The following KLC2 variants were observed in gnomAD, a reference collection of about 807,000 sequenced individuals.
KLC2 encodes the protein kinesin light chain 2.
Under a neutral mutation model 75.1 loss-of-function variants are expected in KLC2, and 35 were observed. The observed-to-expected ratio is 0.47, with a 90% CI of 0.36 to 0.62. The LOEUF (loss-of-function observed/expected upper bound fraction) is 0.62. KLC2 is among the 20% of genes least tolerant of loss of function. The pLI, the probability that KLC2 is intolerant of heterozygous loss-of-function variation, is 0.00. For missense variants in KLC2, 611 were observed against 833.2 expected, an observed-to-expected ratio of 0.73 and a Z score of 3.28; for synonymous variants, 314 against 336.7, an observed-to-expected ratio of 0.93 and a Z score of 0.74.
upstream of KLC2, chr11:66,257,236 G>C (rs1247187239): frequency 6.6e-6 from 1 of 152,220 alleles, no homozygotes; most frequent in Non-Finnish European, 1.5e-5. Context: ...ACCTCTGTCA[G>C]AGACGGTGCA....
the KLC2 span, chr11:66,244,912 G>A: frequency 6.6e-6 from 1 of 152,196 alleles, no homozygotes; most frequent in Non-Finnish European, 1.5e-5. Context: ...CCTGGCATGA[G>A]GCAGGCAGAG....
intron 2 of KLC2, chr11:66,259,791 G>A (rs1856260762): frequency 1.3e-5 from 2 of 152,352 alleles, no homozygotes; most frequent in South Asian, 2.1e-4. Flanking sequence ...TGGCTATGAC[G>A]GTGGAGAAAA....
Position 66,266,998 on chromosome 11 carries a change from AC to A in KLC2, c.*48del, listed in dbSNP as rs746504570. ...AGTCACCAGAGCGCCCACCTGGCAC[AC>A]CCCCCTCACCCCAGCCCTGCGCATG... On this transcript the variant is annotated 3_prime_UTR_variant, in exon 16 of 16. Transcript: ENST00000394067. 2 of 1,592,214 alleles carry A rather than the reference AC, an allele frequency of 1.3e-6. No individual in the cohort carries two copies.
At chr11:66,248,455 A>G in the KLC2 span, among the ~76,000 whole-genome samples, 1 of 152,156 alleles carries the variant, frequency 6.6e-6, no homozygotes. Context: ...CCCCATCTCT[A>G]CTAAAAATAC....
rs759087965 is a variant in KLC2, at chr11:66,267,481, C to T, written c.*525C>T. 2.0e-5 allele frequency: 14 copies of T among 703,168 alleles called. No individual in the cohort carries two copies. Among genetic ancestry groups the T allele is most frequent in the South Asian group, 1.6e-4 (11 of 66,850 alleles). The allele number at this position is 703,168 out of a possible 1,614,324, so 43.6% of individuals were successfully genotyped here. A position where few individuals can be genotyped will look rare whatever the true frequency, so the allele number is the denominator to read the frequency against. ...GGTGGTATCTCCCAGGCTCTACATT[C>T]TCGGGAGCGGCGCCTCCCAAGGGGG... On this transcript the variant is annotated 3_prime_UTR_variant, in exon 16 of 16. Coordinates refer to ENST00000394067, the MANE Select transcript of KLC2 (RefSeq NM_001318734.2).
Position 66,262,815 on chromosome 11 carries a change from C to T in KLC2, c.531C>T (p.Ala177=). Residue 177 remains alanine, a splice_region_variant and synonymous_variant, in exon 5 of 16, where the codon GCC becomes GCT. Transcript: ENST00000394067. Reference sequence around the variant, plus strand: ...GACCTCCTGCCCTTGGCCCTGCAGCCCCTAGCCCAGGAGGAGGGGATGTGT... The same window carrying T: ...GACCTCCTGCCCTTGGCCCTGCAGCTCCTAGCCCAGGAGGAGGGGATGTGT... ...LFPNEDEQSP[A]PSPGGGDVSG... 6.2e-7 allele frequency: 1 copy of T among 1,609,274 alleles called. No homozygotes were observed. Among genetic ancestry groups the T allele is most frequent in the Non-Finnish European group, 8.5e-7 (1 of 1,178,494 alleles).
rs375196923 is a variant in KLC2, at chr11:66,264,453, G to A, written c.1216+9G>A. On this transcript the variant is annotated intron_variant, in intron 9 of 15. Transcript: ENST00000394067. ...GTTTGGCTCTGTCAATGGTGAGTGC[G>A]TGGTCACCAGGTGCCTCTAGCCCAT... 1.6e-4 allele frequency: 252 copies of A among 1,598,666 alleles called. No homozygotes were observed. The highest frequency in any genetic ancestry group is 2.0e-4 in the Non-Finnish European group (239 of 1,167,428).
the KLC2 span, among the ~76,000 whole-genome samples, chr11:66,251,110 T>C: frequency 5.3e-5 from 8 of 152,262 alleles, no homozygotes; most frequent in Admixed American, 5.2e-4. Flanking sequence ...GATGAGGACA[T>C]TGTAAAGGTG....
upstream of KLC2, among the ~76,000 whole-genome samples, chr11:66,253,160 G>A (rs1157190800): frequency 6.6e-6 from 1 of 151,938 alleles, no homozygotes; most frequent in Non-Finnish European, 1.5e-5. Flanking sequence ...GTAGAGACAG[G>A]GTTTCACCAT....
chr11:66,263,524 G>A, intron 5 of KLC2, 136 bp from the exon 6 acceptor site: 1 of 635,776 alleles, frequency 1.6e-6, no homozygotes, highest in African/African-American at 1.8e-5. Context: ...CAGGAGCTGA[G>A]CAGGTCTCCC....
Position 66,258,760 on chromosome 11 carries a change from G to C in KLC2, c.166G>C (p.Glu56Gln), listed in dbSNP as rs769569936. The C allele has an allele frequency of 1.2e-6, 2 of 1,613,568 alleles. No individual in the cohort carries two copies. The highest frequency in any genetic ancestry group is 1.7e-6 in the Non-Finnish European group (2 of 1,180,006). Residue 56 changes from glutamate to glutamine, a missense_variant, in exon 2 of 16, where the codon GAG (glutamate) becomes CAG (glutamine). Coordinates refer to ENST00000394067, the MANE Select transcript of KLC2 (RefSeq NM_001318734.2). ...EAGEAEPGSQ[E>Q]RCILLRRSLE... Reference sequence around the variant, plus strand: ...CGGCGAAGCCGAGCCTGGCTCGCAGGAGCGCTGCATCCTCCTGCGTCGCTC... The same window carrying C: ...CGGCGAAGCCGAGCCTGGCTCGCAGCAGCGCTGCATCCTCCTGCGTCGCTC...
chr11:66,258,906 C>A, intron 2 of KLC2, 84 bp downstream of exon 2: 1 of 921,064 alleles, frequency 1.1e-6, no homozygotes, highest in Non-Finnish European at 1.7e-6. Flanking sequence ...GGAGAAGAAT[C>A]TGAGCAGGGA....
Position 66,267,667 on chromosome 11 carries a change from G to GCCCAGGCACGGCCGA in KLC2, c.*715_*729dup. On this transcript the variant is annotated 3_prime_UTR_variant, in exon 16 of 16. Transcript: ENST00000394067. ...TGCACTGCCCCTCCCACCCGGCCCC[G>GCCCAGGCACGGCCGA]CCCAGGCACGGCCGACCCCGCCCCG... 6.3e-6 allele frequency: 2 copies of GCCCAGGCACGGCCGA among 318,068 alleles called. No individual in the cohort carries two copies. The highest frequency in any genetic ancestry group is 1.2e-5 in the Non-Finnish European group (2 of 166,070). 19.7% of individuals were successfully genotyped at this position (318,068 alleles called of 1,614,324 possible). A position where few individuals can be genotyped will look rare whatever the true frequency, so the allele number is the denominator to read the frequency against.
In KLC2 at chr11:66,262,667, C is replaced by T. The variant is rs944913493; in HGVS notation, c.530-147C>T. 10 of 640,520 alleles carry T rather than the reference C, an allele frequency of 1.6e-5. No individual in the cohort carries two copies. The African/African-American group carries it at 1.8e-4, about 12-fold the overall frequency. 39.7% of individuals were successfully genotyped at this position (640,520 alleles called of 1,614,324 possible). A position where few individuals can be genotyped will look rare whatever the true frequency, so the allele number is the denominator to read the frequency against. On this transcript the variant is annotated intron_variant, in intron 4 of 15. Coordinates refer to ENST00000394067, the MANE Select transcript of KLC2 (RefSeq NM_001318734.2). The stretch of plus-strand genomic sequence containing the variant: ...CCCCTCTTTCTATGGGGTAACTAGA[C>T]CCATTCTATAAATGGGGAAACTGAG...
chr11:66,265,269 C>G (rs1446173937), intron 11 of KLC2, 34 bp downstream of exon 11: 2 of 1,570,900 alleles, frequency 1.3e-6, no homozygotes, highest in Non-Finnish European at 8.8e-7. Context: ...GGGAGCAGGG[C>G]ACGGCAGGGC....
rs1856631472 is a variant in KLC2 at position 66,264,038 on chromosome 11, C to T, written c.943-8C>T. 6.3e-5 allele frequency: 102 copies of T among 1,608,414 alleles called. No individual in the cohort carries two copies. The highest frequency in any genetic ancestry group is 8.7e-5 in the Non-Finnish European group (102 of 1,177,098). On this transcript the variant is annotated splice_polypyrimidine_tract_variant and splice_region_variant and intron_variant, in intron 7 of 15. Transcript: ENST00000394067. ...GAGCCCAACCCCTGGCTCCCTCTCC[C>T]ATCCCAGGTCCTGGGCAAGTTTCAC...
chr11:66,246,229 C>G, the KLC2 span: 1 of 152,486 alleles, frequency 6.6e-6, no homozygotes, highest in Non-Finnish European at 1.5e-5. Flanking sequence ...GGGTGAAGTG[C>G]CCACGAGGAC....
At chr11:66,258,271 C>G (rs966322823) in intron 1 of KLC2, 1 of 352,304 alleles carries the variant, frequency 2.8e-6, no homozygotes, top group Non-Finnish European at 5.3e-6. Flanking sequence ...AGGAGTGAGC[C>G]CCCACGTTCC....
At chr11:66,263,100 T>C in intron 5 of KLC2, 64 bp downstream of exon 5, 4 of 1,243,134 alleles carry the variant, frequency 3.2e-6, no homozygotes, top group Non-Finnish European at 3.5e-6. Context: ...CACTAACCCT[T>C]GGTGCCTGCT....
Sources: allele counts gnomAD v4.1 joint callset (sites outside exome capture counted in the v4.1 genomes callset), GRCh38; gene constraint gnomAD v4.1.1; transcripts MANE v1.5; gene names NCBI Gene and HGNC (gene_info 2026-07-23, HGNC 2026-07-21).